The following PITPNM2 variants were observed in gnomAD, a reference collection of about 807,000 sequenced individuals.
The protein encoded by PITPNM2 is phosphatidylinositol transfer protein membrane associated 2, also known as membrane-associated phosphatidylinositol transfer protein 2.
Under a neutral mutation model 132.2 loss-of-function variants are expected in PITPNM2, and 35 were observed. The ratio of observed to expected loss-of-function variants is 0.26; its 90% CI spans 0.20 to 0.35. The LOEUF is 0.35. Ranked by LOEUF, PITPNM2 falls within the 10% of genes least tolerant of loss-of-function variation. The probability of loss-of-function intolerance (pLI) is 1.00; values close to 1 mark genes in which losing one functional copy is unlikely to be tolerated. For missense variants in PITPNM2, 1,332 were observed against 1,912.0 expected, an observed-to-expected ratio of 0.70 and a Z score of 5.66; for synonymous variants, 738 against 799.2, an observed-to-expected ratio of 0.92 and a Z score of 1.29.
rs1396846477 is a variant in PITPNM2, at chr12:122,989,942, G to A, written c.2576C>T (p.Pro859Leu). 11 of 1,305,208 alleles carry A rather than the reference G, an allele frequency of 8.4e-6. No homozygotes were observed. The highest frequency in any genetic ancestry group is 2.9e-4 in the Middle Eastern group (1 of 3,474). 80.9% of individuals were successfully genotyped at this position (1,305,208 alleles called of 1,614,324 possible). Residue 859 changes from proline (P) to leucine (L), a missense_variant, in exon 18 of 26, where the codon CCC (proline) becomes CTC (leucine). Around this residue, in one of 6 missense-constraint regions of PITPNM2, gnomAD observed 710 missense variants for 911.5 expected, o/e 0.78. Transcript: ENST00000320201. Reference protein sequence around the residue: ...YTASSIAQKAPDALSHTPSVR... With the variant: ...YTASSIAQKALDALSHTPSVR... ...GCTGGGGGTATGGCTGAGCGCATCG[G>A]GGGCCTCTGAGAAGCAAGAGCAATG...
intron 3 of PITPNM2, among the ~76,000 whole-genome samples, chr12:123,018,742 TTTTTCTTTTTC>T (rs1163127073): frequency 6.6e-6 from 1 of 151,450 alleles, no homozygotes; most frequent in Non-Finnish European, 1.5e-5. Flanking sequence ...TACAGGTTCC[TTTTTCTTTTTC>T]TTTTCTTTTC....
At chr12:123,045,526 G>A (rs2040623851) in intron 2 of PITPNM2, among the ~76,000 whole-genome samples, 1 of 152,168 alleles carries the variant, frequency 6.6e-6, no homozygotes, top group African/African-American at 2.4e-5. Context: ...TGAGCAGGTG[G>A]GCACAACGCT....
At chr12:123,131,556 C>T (rs908824822) in intron 1 of PITPNM2, among the ~76,000 whole-genome samples, 2 of 152,156 alleles carry the variant, frequency 1.3e-5, no homozygotes, top group Non-Finnish European at 2.9e-5. Context: ...TATGGTAGTG[C>T]ACAAGCCCCT....
intron 18 of PITPNM2, among the ~76,000 whole-genome samples, 165 bp downstream of exon 18, chr12:122,989,622 C>A (rs1406392433): frequency 2.0e-5 from 3 of 152,104 alleles, no homozygotes; most frequent in African/African-American, 7.2e-5. Context: ...CCCCACCAGA[C>A]AATGCCACCA....
intron 2 of PITPNM2, among the ~76,000 whole-genome samples, chr12:123,103,672 C>T (rs1348511091): frequency 6.6e-6 from 1 of 152,202 alleles, no homozygotes; most frequent in African/African-American, 2.4e-5. Flanking sequence ...AACACTGGAC[C>T]TGCATTCCAG....
Position 123,064,915 on chromosome 12 carries a change from C to A in PITPNM2, c.-95-30230G>T, listed in dbSNP as rs1444822208. ...TACCCATTTGTGGACCACCACCCACCTTGGAGGGTTGAGTGGGATTAAATG... is the reference window on the plus strand; with the variant it reads ...TACCCATTTGTGGACCACCACCCACATTGGAGGGTTGAGTGGGATTAAATG... On this transcript the variant is annotated intron_variant, in intron 2 of 25. Coordinates refer to ENST00000320201, the MANE Select transcript of PITPNM2 (RefSeq NM_020845.3). This position sits in a 1 kb window ranked among gnomAD's most constrained non-coding sequence, Gnocchi z 4.0. 1.3e-5 allele frequency among the ~76,000 whole-genome samples: 2 copies of A among 152,220 alleles called. No homozygotes were observed. Among genetic ancestry groups the A allele is most frequent in the Non-Finnish European group, 2.9e-5 (2 of 68,034 alleles).
rs1223117515 is a variant in PITPNM2 at position 123,058,351 on chromosome 12, C to T, written c.-95-23666G>A. On this transcript the variant is annotated intron_variant, in intron 2 of 25. Transcript: ENST00000320201. This position sits in a 1 kb window ranked among gnomAD's most constrained non-coding sequence, Gnocchi z 4.0. ...CTGCCTCCATCCCTTTTGATTCTGG[C>T]CCTCACCAGCACTCCCTGGGTGTCA... is the stretch of plus-strand genomic sequence containing the variant. 6.6e-6 allele frequency among the ~76,000 whole-genome samples: 1 copy of T among 152,214 alleles called. No homozygotes were observed. Among genetic ancestry groups the T allele is most frequent in the Non-Finnish European group, 1.5e-5 (1 of 68,034 alleles).
rs141137909 is a variant in PITPNM2, at chr12:123,137,388, C to T, written c.-200+13365G>A. Among the ~76,000 whole-genome samples, 121 of 152,216 alleles carry T rather than the reference C, an allele frequency of 7.9e-4. 1 individual carries two copies. Among genetic ancestry groups the T allele is most frequent in the African/African-American group, 2.8e-3 (115 of 41,544 alleles). ...TGGCTCCTTCCAGATCATGGAAGGC[C>T]GAGGTGGGCAGAAGAAGGCTGTGCC... is the stretch of plus-strand genomic sequence containing the variant. On this transcript the variant is annotated intron_variant, in intron 1 of 25. Coordinates refer to ENST00000320201, the MANE Select transcript of PITPNM2 (RefSeq NM_020845.3).
rs2042370509 is a variant in PITPNM2, at chr12:123,095,036, T to C, written c.-96+15349A>G. ...TTTATCCTTCCCTCATACAACACTT[T>C]TTCTTTGGTCACTTCTTTTTCGGGG... On this transcript the variant is annotated intron_variant, in intron 2 of 25. Transcript: ENST00000320201. This position sits in a 1 kb window ranked among gnomAD's most constrained non-coding sequence, Gnocchi z 5.0. 6.6e-6 allele frequency among the ~76,000 whole-genome samples: 1 copy of C among 152,218 alleles called. No homozygotes were observed. Among genetic ancestry groups the C allele is most frequent in the South Asian group, 2.1e-4 (1 of 4,834 alleles).
intron 23 of PITPNM2, among the ~76,000 whole-genome samples, chr12:122,987,051 A>T (rs972532609): frequency 2.6e-5 from 4 of 152,362 alleles, no homozygotes; most frequent in African/African-American, 7.2e-5. Flanking sequence ...TACCAGCCTC[A>T]CCTTCCAGAT....
At chr12:123,133,788 ATG>A (rs1254871073) in intron 1 of PITPNM2, among the ~76,000 whole-genome samples, 36 of 127,058 alleles carry the variant, frequency 2.8e-4, no homozygotes, top group Middle Eastern at 3.6e-3. Flanking sequence ...ACAATTATTA[ATG>A]AACACACACA....
intron 1 of PITPNM2, among the ~76,000 whole-genome samples, chr12:123,128,729 G>C (rs1274325503): frequency 1.3e-5 from 2 of 150,444 alleles, no homozygotes; most frequent in African/African-American, 4.9e-5. Context: ...TCCAGCCTGG[G>C]CAATACAGTG....
At position 123,077,712 on chromosome 12, in the gene PITPNM2, G is replaced by A. The variant is rs566185180; in HGVS notation, c.-96+32673C>T. On this transcript the variant is annotated intron_variant, in intron 2 of 25. Coordinates refer to ENST00000320201, the MANE Select transcript of PITPNM2 (RefSeq NM_020845.3). The surrounding 1 kb of genome is among the most constrained non-coding windows in gnomAD (Gnocchi z 4.8). ...CAGCTCTTCGGAGAGAAAGCAAGCA[G>A]CCCGCGTGACCAGACAGAGCCTTCC... Among the ~76,000 whole-genome samples the A allele has an allele frequency of 2.0e-4, 30 of 152,314 alleles. No homozygotes were observed. Among genetic ancestry groups the A allele is most frequent in the Non-Finnish European group, 3.2e-4 (22 of 68,032 alleles).
Position 123,065,523 on chromosome 12 carries a change from G to A in PITPNM2, c.-95-30838C>T, listed in dbSNP as rs2041383067. 1.3e-5 allele frequency among the ~76,000 whole-genome samples: 2 copies of A among 152,256 alleles called. 1 individual carries two copies. Among genetic ancestry groups the A allele is most frequent in the South Asian group, 4.1e-4 (2 of 4,836 alleles). On this transcript the variant is annotated intron_variant, in intron 2 of 25. Coordinates refer to ENST00000320201, the MANE Select transcript of PITPNM2 (RefSeq NM_020845.3). Reference sequence around the variant, plus strand: ...TTCCAAGGCACCAGGCTCTGTGGGAGCAGCTGACACACCTTGTCCCAGCAG... The same window carrying A: ...TTCCAAGGCACCAGGCTCTGTGGGAACAGCTGACACACCTTGTCCCAGCAG...
intron 2 of PITPNM2, among the ~76,000 whole-genome samples, chr12:123,056,422 C>G (rs2041028735): frequency 6.6e-6 from 1 of 152,202 alleles, no homozygotes; most frequent in African/African-American, 2.4e-5. Context: ...CCAAAATGTT[C>G]TGCACCAGCT....
intron 20 of PITPNM2, 84 bp downstream of exon 20, chr12:122,988,150 C>T: frequency 1.6e-6 from 2 of 1,237,606 alleles, no homozygotes; most frequent in South Asian, 1.3e-5. Flanking sequence ...TGCAGGCTTC[C>T]CTGCAACTCA....
chr12:123,059,065 G>A (rs1178085997), intron 2 of PITPNM2, among the ~76,000 whole-genome samples: 1 of 152,214 alleles, frequency 6.6e-6, no homozygotes, highest in African/African-American at 2.4e-5. Context: ...AAGTACTTAG[G>A]AGAGGCACAG....
intron 2 of PITPNM2, among the ~76,000 whole-genome samples, chr12:123,039,792 T>A (rs1330954419): frequency 6.6e-6 from 1 of 152,134 alleles, no homozygotes; most frequent in South Asian, 2.1e-4. Flanking sequence ...AAGGGGCATA[T>A]GGGAACTCCG....
intron 2 of PITPNM2, among the ~76,000 whole-genome samples, chr12:123,074,404 C>T (rs983348078): frequency 6.6e-6 from 1 of 152,084 alleles, no homozygotes; most frequent in African/African-American, 2.4e-5. Context: ...TGCACACACT[C>T]TCACATACCC....
Sources: allele counts gnomAD v4.1 joint callset (sites outside exome capture counted in the v4.1 genomes callset), GRCh38; gene constraint gnomAD v4.1.1; regional missense constraint gnomAD v4.1.1; non-coding constraint Gnocchi (gnomAD v3.1); transcripts MANE v1.5; gene names NCBI Gene and HGNC (gene_info 2026-07-23, HGNC 2026-07-21).